The following WWP1 variants were observed in gnomAD, a reference collection of about 807,000 sequenced individuals.
WWP1 encodes NEDD4-like E3 ubiquitin-protein ligase WWP1.
Under a neutral mutation model 130.6 loss-of-function variants are expected in WWP1, and 49 were observed. The ratio of observed to expected loss-of-function variants is 0.38; its 90% CI spans 0.30 to 0.48. WWP1 has a LOEUF of 0.48. Ranked by LOEUF, WWP1 falls within the 20% of genes least tolerant of loss-of-function variation. The probability of loss-of-function intolerance (pLI) is 0.99; values close to 1 mark genes in which losing one functional copy is unlikely to be tolerated. For synonymous variants in WWP1, 332 were observed against 367.8 expected (o/e 0.90, Z 1.11); for missense variants, 809 against 1,100.6 (o/e 0.74, Z 3.75).
chr8:86,461,701 T>A, intron 23 of WWP1, 73 bp from the exon 24 acceptor site: 7 of 1,149,700 alleles, frequency 6.1e-6, no homozygotes, highest in Non-Finnish European at 9.1e-6. Context: ...CAACATGTTC[T>A]ATTATTTAAG....
chr8:86,421,547 G>T (rs1182958877), intron 9 of WWP1, among the ~76,000 whole-genome samples: 2 of 152,012 alleles, frequency 1.3e-5, no homozygotes, highest in African/African-American at 4.8e-5. Context: ...AAAATAGGCC[G>T]GGCATGGTGG....
chr8:86,449,523 CA>C (rs1305145843), intron 20 of WWP1, among the ~76,000 whole-genome samples: 1 of 152,168 alleles, frequency 6.6e-6, no homozygotes, highest in Non-Finnish European at 1.5e-5. Flanking sequence ...ATTTTTCAAT[CA>C]TTTTTTTAAA....
chr8:86,408,048 AT>A (rs1808378432), intron 8 of WWP1, among the ~76,000 whole-genome samples: 1 of 152,116 alleles, frequency 6.6e-6, no homozygotes, highest in African/African-American at 2.4e-5. Flanking sequence ...AATTTGTTTC[AT>A]TTGTTTATCC....
At chr8:86,449,337 A>G (rs1811051286) in intron 20 of WWP1, among the ~76,000 whole-genome samples, 1 of 152,264 alleles carries the variant, frequency 6.6e-6, no homozygotes, top group Non-Finnish European at 1.5e-5. Flanking sequence ...AGAACCAGGC[A>G]GTAAACTTTT....
chr8:86,448,449 C>T lies in WWP1; in HGVS notation c.2209C>T (p.His737Tyr), dbSNP rs1431330776. 1 of 1,613,642 alleles carries T rather than the reference C, an allele frequency of 6.2e-7. No individual in the cohort carries two copies. Among genetic ancestry groups the T allele is most frequent in the Non-Finnish European group, 8.5e-7 (1 of 1,179,752 alleles). ...DMEILGKVTSHDLKLGGSNIL... is the reference protein window; with the variant it reads ...DMEILGKVTSYDLKLGGSNIL... Reference sequence around the variant, plus strand: ...GGAGATTTTGGGAAAAGTTACTTCACATGACCTGAAGTTGGGAGGTTCCAA... The same window carrying T: ...GGAGATTTTGGGAAAAGTTACTTCATATGACCTGAAGTTGGGAGGTTCCAA... The change falls in exon 20 of 25, where the codon CAT becomes TAT. Residue 737 changes from histidine (H) to tyrosine (Y), a missense_variant. Transcript: ENST00000517970.
intron 14 of WWP1, 97 bp from the exon 15 acceptor site, chr8:86,435,355 G>A (rs550708769): frequency 1.6e-6 from 2 of 1,255,256 alleles, no homozygotes; most frequent in South Asian, 1.3e-5. Context: ...TCTTCCTGTG[G>A]TATTTTGTTG....
At chr8:86,461,568 TAG>T (rs1811769016) in intron 23 of WWP1, 6 of 629,776 alleles carry the variant, frequency 9.5e-6, no homozygotes, top group South Asian at 4.1e-5. Flanking sequence ...CGACATTCTG[TAG>T]AGAGAGTTTT....
At chr8:86,392,153 G>T (rs1807384583) in intron 5 of WWP1, among the ~76,000 whole-genome samples, 1 of 152,148 alleles carries the variant, frequency 6.6e-6, no homozygotes, top group East Asian at 1.9e-4. Flanking sequence ...TGGTGGTAGT[G>T]GTGCTGGGAT....
rs547286107 is a variant in WWP1, at chr8:86,430,965, C to G, written c.1387+214C>G. 6.4e-4 allele frequency among the ~76,000 whole-genome samples: 85 copies of G among 133,504 alleles called. 1 individual carries two copies. The highest frequency in any genetic ancestry group is 2.3e-3 in the African/African-American group (82 of 35,946). 87.6% of individuals were successfully genotyped at this position (133,504 alleles called of 152,430 possible). A position where few individuals can be genotyped will look rare whatever the true frequency, so the allele number is the denominator to read the frequency against. On this transcript the variant is annotated intron_variant, in intron 12 of 24. Transcript: ENST00000517970. ...TATATTCTGTAGAATGTTATATATT[C>G]TGTATACTATATAGAATATATAATC...
intron 1 of WWP1, among the ~76,000 whole-genome samples, chr8:86,347,505 G>C (rs1056274187): frequency 6.6e-6 from 1 of 152,190 alleles, no homozygotes; most frequent in Non-Finnish European, 1.5e-5. Context: ...GAATTTACCT[G>C]TTTGGAATGT....
intron 1 of WWP1, among the ~76,000 whole-genome samples, chr8:86,365,404 G>A (rs1225131847): frequency 2.6e-5 from 4 of 152,136 alleles, no homozygotes; most frequent in African/African-American, 4.8e-5. Context: ...ATACCTTTTA[G>A]GTTCCACATT....
At chr8:86,373,360 T>C (rs1355155695) in intron 2 of WWP1, among the ~76,000 whole-genome samples, 1 of 152,146 alleles carries the variant, frequency 6.6e-6, no homozygotes, top group East Asian at 1.9e-4. Flanking sequence ...ATCCTGCTTG[T>C]TCATTATTAT....
intron 1 of WWP1, among the ~76,000 whole-genome samples, chr8:86,356,619 A>G (rs1046762981): frequency 2.6e-5 from 4 of 152,120 alleles, no homozygotes; most frequent in Non-Finnish European, 4.4e-5. Flanking sequence ...AACGATGCCA[A>G]AGAAAGCCCT....
intron 24 of WWP1, among the ~76,000 whole-genome samples, chr8:86,465,345 A>G (rs1812007695): frequency 6.6e-6 from 1 of 152,204 alleles, no homozygotes; most frequent in Non-Finnish European, 1.5e-5. Flanking sequence ...AATAGACCCA[A>G]AGAATTCTCT....
At chr8:86,405,351 A>G (rs1236548272) in intron 8 of WWP1, among the ~76,000 whole-genome samples, 1 of 141,174 alleles carries the variant, frequency 7.1e-6, no homozygotes, top group South Asian at 2.2e-4. Flanking sequence ...TTTTTTTGGT[A>G]AACTCATTTG....
chr8:86,343,125 T>A, intron 1 of WWP1, 195 bp downstream of exon 1: 1 of 247,762 alleles, frequency 4.0e-6, no homozygotes, highest in Non-Finnish European at 7.7e-6. Context: ...TTTTCTGGGG[T>A]GGGGTCACGG....
chr8:86,461,500 T>G lies in WWP1; in HGVS notation c.2596+180T>G, dbSNP rs149171360. On this transcript the variant is annotated intron_variant, in intron 23 of 24. Coordinates refer to ENST00000517970, the MANE Select transcript of WWP1 (RefSeq NM_007013.4). ...AGCACTTGTAAGACAAAAATGAATG[T>G]GTCCTCATATAGCTGAGGTGGCCAT... 3.6e-3 allele frequency: 2,333 copies of G among 639,674 alleles called. 14 individuals are homozygous for G. The highest frequency in any genetic ancestry group is 5.1e-3 in the Non-Finnish European group (1,863 of 365,062). 39.6% of individuals were successfully genotyped at this position (639,674 alleles called of 1,614,324 possible). A position where few individuals can be genotyped will look rare whatever the true frequency, so the allele number is the denominator to read the frequency against.
At chr8:86,380,612 C>A in intron 3 of WWP1, 114 bp from the exon 4 acceptor site, 2 of 1,179,094 alleles carry the variant, frequency 1.7e-6, no homozygotes, top group South Asian at 2.2e-5. Context: ...TTCATTCTGC[C>A]AACGAGAAGA....
chr8:86,427,849 C>G (rs920402045), intron 11 of WWP1, 32 bp downstream of exon 11: 11 of 1,569,900 alleles, frequency 7.0e-6, no homozygotes, highest in Non-Finnish European at 9.5e-6. Flanking sequence ...GTTAACATAA[C>G]TTCCTCCCTC....
Sources: allele counts gnomAD v4.1 joint callset (sites outside exome capture counted in the v4.1 genomes callset), GRCh38; gene constraint gnomAD v4.1.1; transcripts MANE v1.5; gene names NCBI Gene and HGNC (gene_info 2026-07-23, HGNC 2026-07-21).